EML6: variants seen among roughly 807,000 people sequenced by gnomAD.
EML6 encodes EMAP like 6, also known as echinoderm microtubule-associated protein-like 6.
In EML6, 154 loss-of-function variants were observed where a neutral mutation model predicts 240.1. The ratio of observed to expected loss-of-function variants is 0.64; its 90% CI spans 0.56 to 0.73. The LOEUF is 0.73. Among genes scored for constraint, EML6 ranks in the 30% least tolerant of loss-of-function variants. The pLI is 0.00. For missense variants in EML6, 2,964 were observed against 2,474.6 expected (o/e 1.20, Z -4.20); for synonymous variants, 1,148 against 899.0 (o/e 1.28, Z -4.95).
chr2:54,848,382 T>A (rs1023945822), intron 9 of EML6, among the ~76,000 whole-genome samples: 5 of 152,184 alleles, frequency 3.3e-5, no homozygotes, highest in African/African-American at 9.6e-5. Flanking sequence ...TAGCACAGTT[T>A]ATTACACTAC....
In EML6 at chr2:54,796,520, G is replaced by A. The variant is rs115055504; in HGVS notation, c.198-16712G>A. Among the ~76,000 whole-genome samples the A allele has an allele frequency of 4.1e-3, 616 of 151,354 alleles. 2 individuals carry two copies. The highest frequency in any genetic ancestry group is 6.8e-3 in the Non-Finnish European group (459 of 67,890). On this transcript the variant is annotated intron_variant, in intron 2 of 41. Coordinates refer to ENST00000356458, the MANE Select transcript of EML6 (RefSeq NM_001039753.4). ...TTTTTTTTCTTTTTTTTTGTAAATGGAATCATTTTAAGTATGCTGAGAGCT... is the reference window on the plus strand; with the variant it reads ...TTTTTTTTCTTTTTTTTTGTAAATGAAATCATTTTAAGTATGCTGAGAGCT...
At chr2:54,830,180 G>A (rs529187680) in intron 7 of EML6, among the ~76,000 whole-genome samples, 7 of 152,264 alleles carry the variant, frequency 4.6e-5, no homozygotes, top group African/African-American at 1.7e-4. Flanking sequence ...CTCATGGTAG[G>A]CCTGTTACCT....
intron 37 of EML6, 76 bp downstream of exon 37, chr2:54,964,234 G>A (rs1676651885): frequency 1.1e-5 from 16 of 1,444,476 alleles, no homozygotes; most frequent in East Asian, 5.0e-5. Flanking sequence ...TTCCAGCCAC[G>A]GCTGGAATAA....
At chr2:54,871,654 G>A in intron 16 of EML6, 49 bp downstream of exon 16, 1 of 1,302,728 alleles carries the variant, frequency 7.7e-7, no homozygotes, top group African/African-American at 1.5e-5. Flanking sequence ...GAGAGAGAGA[G>A]ACACAGAGAG....
chr2:54,810,545 G>A (rs970205062), intron 2 of EML6, among the ~76,000 whole-genome samples: 1 of 152,184 alleles, frequency 6.6e-6, no homozygotes, highest in African/African-American at 2.4e-5. Flanking sequence ...TTTTAAAATA[G>A]AAGCTGTGAT....
At chr2:54,752,216 C>T (rs1684207837) in intron 2 of EML6, among the ~76,000 whole-genome samples, 2 of 152,058 alleles carry the variant, frequency 1.3e-5, no homozygotes, top group African/African-American at 2.4e-5. Context: ...TATATTTACT[C>T]ATTAAACAAA....
chr2:54,901,171 A>C (rs936416260), intron 22 of EML6, among the ~76,000 whole-genome samples: 4 of 152,176 alleles, frequency 2.6e-5, no homozygotes, highest in African/African-American at 9.7e-5. Context: ...AAATCAGAAA[A>C]CTGAGGCACA....
At chr2:54,884,741 C>T (rs1672029207) in intron 17 of EML6, among the ~76,000 whole-genome samples, 1 of 152,198 alleles carries the variant, frequency 6.6e-6, no homozygotes, top group Non-Finnish European at 1.5e-5. Flanking sequence ...AAATGTTTGG[C>T]ATTGTATAAA....
chr2:54,833,003 C>T (rs1054556255), intron 7 of EML6, among the ~76,000 whole-genome samples: 1 of 152,204 alleles, frequency 6.6e-6, no homozygotes, highest in Non-Finnish European at 1.5e-5. Context: ...CACTCGAATT[C>T]ATTTCAATGG....
In EML6 at chr2:54,891,168, G is replaced by C; in HGVS notation, c.2539+14G>C. 7.4e-7 allele frequency: 1 copy of C among 1,343,642 alleles called. No individual in the cohort carries two copies. The highest frequency in any genetic ancestry group is 1.0e-6 in the Non-Finnish European group (1 of 978,618). 83.2% of individuals were successfully genotyped at this position (1,343,642 alleles called of 1,614,324 possible). ...GGCAACAAGCAGGTACTGTCGTTTG[G>C]GTTTATCATTTATGTGATTGAGAGC... is the stretch of plus-strand genomic sequence containing the variant. On this transcript the variant is annotated intron_variant, in intron 18 of 41. Transcript: ENST00000356458.
Position 54,968,292 on chromosome 2 carries a change from C to G in EML6, c.5751+11C>G, listed in dbSNP as rs1676837380. The G allele has an allele frequency of 6.4e-7, 1 of 1,551,608 alleles. No homozygotes were observed. Among genetic ancestry groups the G allele is most frequent in the Non-Finnish European group, 8.7e-7 (1 of 1,146,962 alleles). On this transcript the variant is annotated intron_variant, in intron 40 of 41. Coordinates refer to ENST00000356458, the MANE Select transcript of EML6 (RefSeq NM_001039753.4). ...TGCACAGAAAAATTTGTGAGTGTTC[C>G]TCAGAGTAACCTCCCTGCAGGTTCT...
chr2:54,955,411 C>G (rs1676185545), intron 32 of EML6, among the ~76,000 whole-genome samples: 1 of 152,138 alleles, frequency 6.6e-6, no homozygotes, highest in Non-Finnish European at 1.5e-5. Flanking sequence ...TCAAGGACCC[C>G]TTGAATACTT....
At position 54,735,537 on chromosome 2, in the gene EML6, G is replaced by C. The variant is rs532955328; in HGVS notation, c.197+10279G>C. Among the ~76,000 whole-genome samples the C allele has an allele frequency of 9.2e-5, 14 of 152,266 alleles. No individual in the cohort carries two copies. In the East Asian group the frequency reaches 2.5e-3, roughly 27 times the overall value. ...TGAATGGCAATAATGACTGATTATT[G>C]CTGTGTTCTTAGACACCAAATTTGA... On this transcript the variant is annotated intron_variant, in intron 2 of 41. Coordinates refer to ENST00000356458, the MANE Select transcript of EML6 (RefSeq NM_001039753.4).
intron 17 of EML6, among the ~76,000 whole-genome samples, chr2:54,889,318 A>G (rs1271656390): frequency 6.6e-6 from 1 of 151,594 alleles, no homozygotes; most frequent in Non-Finnish European, 1.5e-5. Flanking sequence ...AAATTGTCTA[A>G]CTCCAGATTA....
intron 32 of EML6, 50 bp downstream of exon 32, chr2:54,954,206 G>A (rs1028472967): frequency 2.0e-6 from 3 of 1,493,602 alleles, no homozygotes; most frequent in Non-Finnish European, 2.7e-6. Flanking sequence ...GCCTGTGGGT[G>A]TCGAGCCTGT....
intron 12 of EML6, among the ~76,000 whole-genome samples, chr2:54,863,541 G>A (rs1297439409): frequency 6.6e-6 from 1 of 152,118 alleles, no homozygotes; most frequent in Non-Finnish European, 1.5e-5. Flanking sequence ...AGTTTAGTCT[G>A]CCTGGTGGGT....
At chr2:54,787,918 C>G (rs567188540) in intron 2 of EML6, among the ~76,000 whole-genome samples, 65 of 152,276 alleles carry the variant, frequency 4.3e-4, no homozygotes, top group African/African-American at 1.5e-3. Context: ...CCCCCGAGGC[C>G]TAGTTGAAAC....
intron 2 of EML6, among the ~76,000 whole-genome samples, chr2:54,776,304 T>C (rs1668597346): frequency 6.6e-6 from 1 of 152,154 alleles, no homozygotes; most frequent in South Asian, 2.1e-4. Flanking sequence ...AGAACTCTGT[T>C]AATCTAGGTT....
intron 39 of EML6, among the ~76,000 whole-genome samples, chr2:54,967,550 A>G (rs1030311422): frequency 1.3e-5 from 2 of 152,174 alleles, no homozygotes; most frequent in South Asian, 2.1e-4. Context: ...CAACACACAC[A>G]TATTCAAGAG....
Sources: gnomAD v4.1 joint callset for allele counts (sites outside exome capture counted in the v4.1 genomes callset) on GRCh38, gnomAD v4.1.1 for gene constraint, MANE v1.5 for transcripts, NCBI Gene and HGNC (gene_info 2026-07-23, HGNC 2026-07-21) for gene names.